Variants in PDE1C observed in about 807,000 individuals in gnomAD.
PDE1C encodes phosphodiesterase 1C.
A neutral mutation model predicts 93.1 loss-of-function variants in PDE1C; 62 were observed. The ratio of observed to expected loss-of-function variants is 0.67; its 90% CI spans 0.54 to 0.82. PDE1C has a LOEUF of 0.82. Among genes scored for constraint, PDE1C ranks in the 40% least tolerant of loss-of-function variants. The pLI is 0.00. For missense variants in PDE1C, 742 were observed against 884.6 expected (o/e 0.84, Z 2.04); for synonymous variants, 325 against 310.1 (o/e 1.05, Z -0.50).
At chr7:32,408,610 G>A (rs1217501533) in intron 1 of PDE1C, among the ~76,000 whole-genome samples, 1 of 152,132 alleles carries the variant, frequency 6.6e-6, no homozygotes, top group African/African-American at 2.4e-5. Context: ...CCAACATGGG[G>A]AAACCCCATC....
chr7:32,020,979 G>T (rs1250932014), intron 2 of PDE1C, among the ~76,000 whole-genome samples: 1 of 152,120 alleles, frequency 6.6e-6, no homozygotes, highest in African/African-American at 2.4e-5. Context: ...AAACAAACAA[G>T]ACACAGGAGA....
chr7:31,678,846 G>A, the PDE1C span, among the ~76,000 whole-genome samples: 3 of 152,164 alleles, frequency 2.0e-5, no homozygotes, highest in South Asian at 4.1e-4. Flanking sequence ...AGTTCAGGGC[G>A]TAGTGGGCAG....
At chr7:32,205,096 C>T (rs1324700655) in intron 2 of PDE1C, among the ~76,000 whole-genome samples, 1 of 152,220 alleles carries the variant, frequency 6.6e-6, no homozygotes, top group African/African-American at 2.4e-5. Context: ...AGTCCCTGTG[C>T]TTCATATAAT....
At chr7:32,190,847 T>C (rs553290550) in intron 2 of PDE1C, among the ~76,000 whole-genome samples, 1 of 152,290 alleles carries the variant, frequency 6.6e-6, no homozygotes, top group South Asian at 2.1e-4. Flanking sequence ...TAATTAATTT[T>C]ATCCTGGGGA....
chr7:32,235,837 T>C (rs1394276579), intron 1 of PDE1C, among the ~76,000 whole-genome samples: 1 of 152,066 alleles, frequency 6.6e-6, no homozygotes, highest in Non-Finnish European at 1.5e-5. Flanking sequence ...TGAACTAAAA[T>C]AGCCAAAATG....
chr7:31,908,930 T>TC (rs1800908613), intron 2 of PDE1C, among the ~76,000 whole-genome samples: 1 of 152,180 alleles, frequency 6.6e-6, no homozygotes, highest in Non-Finnish European at 1.5e-5. Flanking sequence ...CCTTAAAGCA[T>TC]AACTGAGGCG....
intron 2 of PDE1C, among the ~76,000 whole-genome samples, chr7:31,978,794 G>A (rs1378158859): frequency 2.0e-5 from 3 of 152,164 alleles, no homozygotes. Context: ...AGAGGACCAG[G>A]ACATGTTCAC....
intron 1 of PDE1C, among the ~76,000 whole-genome samples, chr7:32,393,082 T>C (rs73093951): frequency 1.6e-4 from 19 of 116,798 alleles, no homozygotes; most frequent in Non-Finnish European, 2.9e-4. Context: ...AGCACACATA[T>C]ACATTCAGAC....
chr7:31,842,270 T>A (rs1792005416), intron 9 of PDE1C, among the ~76,000 whole-genome samples: 1 of 152,160 alleles, frequency 6.6e-6, no homozygotes, highest in Non-Finnish European at 1.5e-5. Flanking sequence ...TTCCTTTTTA[T>A]GAATTTTTTT....
chr7:32,143,657 C>G (rs1800661524), intron 3 of PDE1C, among the ~76,000 whole-genome samples: 1 of 152,158 alleles, frequency 6.6e-6, no homozygotes, highest in South Asian at 2.1e-4. Flanking sequence ...CCTCTGCCCA[C>G]AGCCAAAGCT....
intron 1 of PDE1C, among the ~76,000 whole-genome samples, chr7:32,424,189 G>A (rs1395544882): frequency 1.3e-5 from 2 of 152,160 alleles, no homozygotes; most frequent in African/African-American, 2.4e-5. Context: ...CCCCACACGG[G>A]CTTTGGTACA....
rs906924892 is a variant in PDE1C, at chr7:32,144,500, C to T, written c.308+25285G>A. Reference sequence around the variant, plus strand: ...ATCCTGTATTTCTTCTGGCCAGTCACGGGATTCAGGACCCATCCTGAGGGG... The same window carrying T: ...ATCCTGTATTTCTTCTGGCCAGTCATGGGATTCAGGACCCATCCTGAGGGG... On this transcript the variant is annotated intron_variant, in intron 3 of 18. Transcript: ENST00000396193. Among the ~76,000 whole-genome samples the T allele has an allele frequency of 3.9e-5, 6 of 152,234 alleles. No individual in the cohort carries two copies. The South Asian group carries it at 6.2e-4, about 16-fold the overall frequency.
At chr7:31,840,597 A>G (rs1360147028) in intron 9 of PDE1C, among the ~76,000 whole-genome samples, 1 of 152,176 alleles carries the variant, frequency 6.6e-6, no homozygotes, top group East Asian at 1.9e-4. Context: ...GTTTAGGTTT[A>G]TAACCAATTT....
chr7:32,337,637 G>A (rs1217077897), intron 1 of PDE1C, among the ~76,000 whole-genome samples: 1 of 151,986 alleles, frequency 6.6e-6, no homozygotes. Context: ...CCAGCATCAG[G>A]GACGGAGATA....
the PDE1C span, among the ~76,000 whole-genome samples, chr7:31,674,789 G>GAAA: frequency 6.6e-6 from 1 of 152,130 alleles, no homozygotes; most frequent in Non-Finnish European, 1.5e-5. Context: ...ACTTAAATGG[G>GAAA]AGGGCAAATC....
At chr7:31,867,610 C>G (rs556166807) in intron 6 of PDE1C, among the ~76,000 whole-genome samples, 1 of 152,312 alleles carries the variant, frequency 6.6e-6, no homozygotes, top group Admixed American at 6.5e-5. Flanking sequence ...GGGTTAGTCT[C>G]ACCACTGCTA....
chr7:32,320,312 G>A (rs569292160), intron 1 of PDE1C, among the ~76,000 whole-genome samples: 1 of 152,178 alleles, frequency 6.6e-6, no homozygotes, highest in South Asian at 2.1e-4. Context: ...TTGATGGAAG[G>A]GGGGAAAACA....
intron 3 of PDE1C, chr7:32,078,134 G>T: frequency 1.7e-6 from 1 of 582,304 alleles, no homozygotes; most frequent in Non-Finnish European, 2.2e-6. Flanking sequence ...ATAAATCAGC[G>T]GGTTGTTCTT....
chr7:31,636,577 G>C, the PDE1C span, among the ~76,000 whole-genome samples: 1 of 151,968 alleles, frequency 6.6e-6, no homozygotes, highest in Non-Finnish European at 1.5e-5. Flanking sequence ...AATATCTTTG[G>C]TTCCCCTAAT....
Sources: allele counts gnomAD v4.1 joint callset (sites outside exome capture counted in the v4.1 genomes callset), GRCh38; gene constraint gnomAD v4.1.1; transcripts MANE v1.5; gene names NCBI Gene and HGNC (gene_info 2026-07-23, HGNC 2026-07-21).